PDE4D: variants seen among roughly 807,000 people sequenced by gnomAD.
The protein encoded by PDE4D is 3',5'-cyclic-AMP phosphodiesterase 4D.
In PDE4D, 24 loss-of-function variants were observed where a neutral mutation model predicts 87.4. The ratio of observed to expected loss-of-function variants is 0.27; its 90% CI spans 0.20 to 0.39. PDE4D has a LOEUF of 0.39. Among genes scored for constraint, PDE4D ranks in the 10% least tolerant of loss-of-function variants. The pLI is 1.00. For missense variants in PDE4D, 714 were observed against 1,041.0 expected, an observed-to-expected ratio of 0.69 and a Z score of 4.32; for synonymous variants, 384 against 383.2, an observed-to-expected ratio of 1.00 and a Z score of -0.02.
chr5:59,376,844 C>A (rs1374713689), intron 1 of PDE4D, among the ~76,000 whole-genome samples: 2 of 152,008 alleles, frequency 1.3e-5, no homozygotes, highest in Admixed American at 1.3e-4. Flanking sequence ...GACACATAGA[C>A]AAATGGAACA....
At chr5:59,797,985 C>T (rs1211189992) in intron 1 of PDE4D, among the ~76,000 whole-genome samples, 1 of 152,048 alleles carries the variant, frequency 6.6e-6, no homozygotes, top group Non-Finnish European at 1.5e-5. Context: ...CTTGTAATCC[C>T]AGCACTTTGG....
chr5:59,810,752 T>G (rs903648357), intron 1 of PDE4D, among the ~76,000 whole-genome samples: 2 of 152,208 alleles, frequency 1.3e-5, no homozygotes, highest in Non-Finnish European at 2.9e-5. Context: ...TTTTTCCGGC[T>G]TATTTAAAGA....
intron 1 of PDE4D, among the ~76,000 whole-genome samples, chr5:59,243,202 A>G (rs576786801): frequency 6.6e-6 from 1 of 152,230 alleles, no homozygotes; most frequent in South Asian, 2.1e-4. Context: ...AACTATTGAA[A>G]TCATTTCAAC....
intron 5 of PDE4D, among the ~76,000 whole-genome samples, chr5:59,171,766 C>CTG (rs1157157653): frequency 2.9e-5 from 4 of 135,988 alleles, no homozygotes; most frequent in African/African-American, 8.5e-5. Flanking sequence ...CTCTCTCTCT[C>CTG]TCTATATATG....
chr5:59,265,696 C>G (rs765420650), intron 1 of PDE4D, among the ~76,000 whole-genome samples: 1 of 151,866 alleles, frequency 6.6e-6, no homozygotes, highest in African/African-American at 2.4e-5. Flanking sequence ...AGAAAATATG[C>G]GAATCATGAA....
intron 1 of PDE4D, among the ~76,000 whole-genome samples, chr5:59,744,287 A>AT (rs1314413048): frequency 6.6e-6 from 1 of 152,174 alleles, no homozygotes; most frequent in Non-Finnish European, 1.5e-5. Context: ...TGCAAGCAGT[A>AT]TAGAACACTT....
At chr5:60,513,753 T>C (rs1285822987) in intron 1 of PDE4D, among the ~76,000 whole-genome samples, 1 of 151,900 alleles carries the variant, frequency 6.6e-6, no homozygotes, top group Non-Finnish European at 1.5e-5. Flanking sequence ...TCAAAACAGA[T>C]ATTGGAAAAC....
In PDE4D at chr5:60,460,627, T is replaced by A. The variant is rs959909809; in HGVS notation, c.-90+27315A>T. Reference sequence around the variant, plus strand: ...TTCAATTGCTTCTTGCTGTTCTTTTTCTCCCTTCCTCAGCAAGCCTGCAGA... The same window carrying A: ...TTCAATTGCTTCTTGCTGTTCTTTTACTCCCTTCCTCAGCAAGCCTGCAGA... On this transcript the variant is annotated intron_variant, in intron 1 of 16. Transcript: ENST00000502484. 15 of 1,221,998 alleles carry A rather than the reference T, an allele frequency of 1.2e-5. No homozygotes were observed. In the African/African-American group the frequency reaches 2.2e-4, roughly 18 times the overall value. 75.7% of individuals were successfully genotyped at this position (1,221,998 alleles called of 1,614,324 possible). A position where few individuals can be genotyped will look rare whatever the true frequency, so the allele number is the denominator to read the frequency against.
intron 6 of PDE4D, among the ~76,000 whole-genome samples, chr5:59,035,449 C>T (rs1758334340): frequency 6.6e-6 from 1 of 152,168 alleles, no homozygotes; most frequent in African/African-American, 2.4e-5. Flanking sequence ...ATCCATCAAA[C>T]TTGAAGTGTC....
At chr5:59,508,725 A>G (rs1809733744) in intron 1 of PDE4D, among the ~76,000 whole-genome samples, 1 of 152,058 alleles carries the variant, frequency 6.6e-6, no homozygotes, top group African/African-American at 2.4e-5. Context: ...AAGACAATAA[A>G]AATCAACACA....
At chr5:59,700,316 GGCCTA>G (rs1388031092) in intron 1 of PDE4D, among the ~76,000 whole-genome samples, 1 of 152,036 alleles carries the variant, frequency 6.6e-6, no homozygotes, top group African/African-American at 2.4e-5. Flanking sequence ...ACCCAACTTT[GGCCTA>G]TCATACCTAT....
At chr5:60,193,899 C>T (rs1319954115) in intron 1 of PDE4D, among the ~76,000 whole-genome samples, 1 of 151,246 alleles carries the variant, frequency 6.6e-6, no homozygotes, top group Admixed American at 6.6e-5. Context: ...GCTTACTCTC[C>T]CTTACCTCCT....
chr5:59,508,360 G>A (rs929672225), intron 1 of PDE4D, among the ~76,000 whole-genome samples: 2 of 152,190 alleles, frequency 1.3e-5, no homozygotes, highest in Admixed American at 6.5e-5. Context: ...GTATACTTGC[G>A]ATATGTAATA....
chr5:59,698,598 C>T (rs115158202), intron 1 of PDE4D, among the ~76,000 whole-genome samples: 2,688 of 152,182 alleles, frequency 0.018, 25 homozygotes, highest in Non-Finnish European at 0.026. Context: ...ACACATAGTG[C>T]TTAGAGATAT....
At position 59,051,866 on chromosome 5, in the gene PDE4D, G is replaced by A. The variant is rs1366781604; in HGVS notation, c.809-12895C>T. On this transcript the variant is annotated intron_variant, in intron 5 of 14. Coordinates refer to ENST00000340635, the MANE Select transcript of PDE4D (RefSeq NM_001104631.2). The stretch of plus-strand genomic sequence containing the variant: ...CCATATGGTTGAAATCTCCACTAAC[G>A]ACATTTTATTTCTCTTCCTCCTGAC... Among the ~76,000 whole-genome samples, 8 of 152,188 alleles carry A rather than the reference G, an allele frequency of 5.3e-5. No homozygotes were observed. The South Asian group carries it at 1.5e-3, about 28-fold the overall frequency.
At chr5:59,108,955 ATGTGTGTGTGTGTGTGTGTGTG>A (rs57004711) in intron 5 of PDE4D, among the ~76,000 whole-genome samples, 3 of 121,902 alleles carry the variant, frequency 2.5e-5, no homozygotes, top group African/African-American at 6.3e-5. Context: ...TAGGAACTCA[ATGTGTGTGTGTGTGTGTGTGTG>A]TGTGTGTGTG....
At chr5:59,768,257 C>T in intron 1 of PDE4D, 2 of 1,598,296 alleles carry the variant, frequency 1.3e-6, no homozygotes, top group Non-Finnish European at 8.5e-7. Context: ...CATGTATGTG[C>T]CACCGTGAAA....
At chr5:59,014,229 A>C (rs1473949187) in intron 6 of PDE4D, among the ~76,000 whole-genome samples, 1 of 152,212 alleles carries the variant, frequency 6.6e-6, no homozygotes, top group South Asian at 2.1e-4. Flanking sequence ...CCCTTTGAAC[A>C]CTGGCACAAG....
chr5:59,486,567 C>G (rs1397451237), intron 1 of PDE4D, among the ~76,000 whole-genome samples: 1 of 152,132 alleles, frequency 6.6e-6, no homozygotes, highest in African/African-American at 2.4e-5. Context: ...AGTTAACTAT[C>G]ACAATACATT....
Sources: allele counts gnomAD v4.1 joint callset (sites outside exome capture counted in the v4.1 genomes callset), GRCh38; gene constraint gnomAD v4.1.1; transcripts MANE v1.5; gene names NCBI Gene and HGNC (gene_info 2026-07-23, HGNC 2026-07-21).